CEP20: variants seen among roughly 807,000 people sequenced by gnomAD.
CEP20 encodes FGFR1OP N-terminal like.
A neutral mutation model predicts 20.0 loss-of-function variants in CEP20; 18 were observed. The ratio of observed to expected loss-of-function variants is 0.90; its 90% CI spans 0.62 to 1.34. The LOEUF (loss-of-function observed/expected upper bound fraction) is 1.34. Among genes scored for constraint, CEP20 ranks in the 40% most tolerant of loss-of-function variants. The pLI is 0.00. For synonymous variants in CEP20, 77 were observed against 73.7 expected (o/e 1.04, Z -0.23); for missense variants, 215 against 201.6 (o/e 1.07, Z -0.40).
At chr16:15,877,266 C>T (rs1250120451) in intron 3 of CEP20, 1 of 152,330 alleles carries the variant, frequency 6.6e-6, no homozygotes, top group Non-Finnish European at 1.5e-5. Context: ...AAAGTGAGCA[C>T]AAACTTCTTA....
intron 3 of CEP20, among the ~76,000 whole-genome samples, chr16:15,879,202 G>C (rs764631296): frequency 1.2e-4 from 18 of 152,082 alleles, no homozygotes; most frequent in Non-Finnish European, 2.5e-4. Flanking sequence ...CAGTAATCTT[G>C]GTAGAAAAAG....
At chr16:15,875,270 T>C (rs951610499) in intron 3 of CEP20, among the ~76,000 whole-genome samples, 8 of 152,230 alleles carry the variant, frequency 5.3e-5, no homozygotes, top group African/African-American at 1.9e-4. Flanking sequence ...TTTGTTTACT[T>C]TAATCTTCCC....
intron 3 of CEP20, 40 bp from the exon 4 acceptor site, chr16:15,873,667 A>G: frequency 6.3e-7 from 1 of 1,578,252 alleles, no homozygotes; most frequent in Non-Finnish European, 8.6e-7. Flanking sequence ...AAAAGCTAAT[A>G]AATCTGCATA....
intron 4 of CEP20, among the ~76,000 whole-genome samples, chr16:15,872,421 A>G (rs2044844140): frequency 6.6e-6 from 1 of 152,188 alleles, no homozygotes; most frequent in Admixed American, 6.5e-5. Context: ...GATAATCAAA[A>G]TAAGTCAGGG....
intron 1 of CEP20, among the ~76,000 whole-genome samples, chr16:15,886,498 G>A (rs932599268): frequency 1.3e-5 from 2 of 152,164 alleles, no homozygotes; most frequent in East Asian, 3.8e-4. Flanking sequence ...CACTGGCAAG[G>A]ATCCTGTCCC....
intron 3 of CEP20, among the ~76,000 whole-genome samples, chr16:15,876,013 A>T (rs1196728176): frequency 6.6e-6 from 1 of 150,762 alleles, no homozygotes; most frequent in Non-Finnish European, 1.5e-5. Context: ...CAGAAGAGTC[A>T]CTTGAACCCA....
intron 4 of CEP20, among the ~76,000 whole-genome samples, chr16:15,872,081 A>G (rs1023300821): frequency 6.6e-5 from 10 of 152,110 alleles, no homozygotes; most frequent in South Asian, 2.1e-4. Context: ...TTGGGAGGCC[A>G]AGGTGGGCGG....
chr16:15,868,992 T>A (rs2044749196), intron 4 of CEP20, among the ~76,000 whole-genome samples: 1 of 151,522 alleles, frequency 6.6e-6, no homozygotes, highest in South Asian at 2.1e-4. Flanking sequence ...CACCTGGGCC[T>A]GTGAGGTCAA....
intron 2 of CEP20, among the ~76,000 whole-genome samples, chr16:15,880,289 T>A (rs1167409781): frequency 1.3e-5 from 2 of 152,228 alleles, no homozygotes; most frequent in Non-Finnish European, 1.5e-5. Context: ...CACACTTTGC[T>A]GGTGGGAAAG....
At chr16:15,870,160 T>C (rs2044779244) in intron 4 of CEP20, among the ~76,000 whole-genome samples, 1 of 152,166 alleles carries the variant, frequency 6.6e-6, no homozygotes, top group South Asian at 2.1e-4. Flanking sequence ...TAGGAAATAG[T>C]GTTCCTTATA....
At chr16:15,875,416 G>C (rs1567236110) in intron 3 of CEP20, among the ~76,000 whole-genome samples, 2 of 152,040 alleles carry the variant, frequency 1.3e-5, no homozygotes, top group Non-Finnish European at 2.9e-5. Flanking sequence ...CAGGACTTTG[G>C]GGGGCCAGCC....
At chr16:15,882,468 T>C (rs1235036518) in intron 2 of CEP20, among the ~76,000 whole-genome samples, 2 of 151,694 alleles carry the variant, frequency 1.3e-5, no homozygotes, top group Non-Finnish European at 1.5e-5. Flanking sequence ...AGGTAGACGT[T>C]GCAGTGAGCC....
chr16:15,887,943 T>C (rs2045284243), intron 1 of CEP20, among the ~76,000 whole-genome samples: 1 of 151,428 alleles, frequency 6.6e-6, no homozygotes, highest in South Asian at 2.1e-4. Flanking sequence ...CCGGGCGTAG[T>C]GAAGAGCCCC....
intron 1 of CEP20, chr16:15,886,280 G>C (rs2045246164): frequency 6.6e-6 from 1 of 152,160 alleles, no homozygotes; most frequent in Non-Finnish European, 1.5e-5. Flanking sequence ...TAAAGAGATA[G>C]AATCTTCACT....
intron 2 of CEP20, among the ~76,000 whole-genome samples, chr16:15,880,495 A>G: frequency 6.6e-6 from 1 of 152,226 alleles, no homozygotes; most frequent in East Asian, 1.9e-4. Flanking sequence ...AAACAACTCA[A>G]TGCCCATCAA....
chr16:15,887,245 T>C (rs906336773), intron 1 of CEP20, among the ~76,000 whole-genome samples: 1 of 151,322 alleles, frequency 6.6e-6, no homozygotes, highest in East Asian at 1.9e-4. Context: ...TTACATGTGA[T>C]GTGTATTTCC....
intron 2 of CEP20, 134 bp downstream of exon 2, chr16:15,883,874 C>A: frequency 1.5e-6 from 1 of 646,472 alleles, no homozygotes; most frequent in East Asian, 2.8e-5. Flanking sequence ...ACAGAAAGAA[C>A]CCATGTGATT....
At chr16:15,884,584 C>A (rs1974454) in intron 1 of CEP20, among the ~76,000 whole-genome samples, 26,868 of 151,996 alleles carry the variant, frequency 0.18, 2,289 homozygotes, top group East Asian at 0.22. Context: ...TCACTGCAAC[C>A]TCTGCCTCCC....
chr16:15,885,332 A>AACCAACC (rs200084415), intron 1 of CEP20, among the ~76,000 whole-genome samples: 15 of 146,074 alleles, frequency 1.0e-4, no homozygotes, highest in African/African-American at 3.5e-4. Flanking sequence ...CCAACCAACC[A>AACCAACC]AAAAAAAAAA....
Sources: gnomAD v4.1 joint callset for allele counts (sites outside exome capture counted in the v4.1 genomes callset) on GRCh38, gnomAD v4.1.1 for gene constraint, MANE v1.5 for transcripts, NCBI Gene and HGNC (gene_info 2026-07-23, HGNC 2026-07-21) for gene names.